The following EXOC4 variants were observed in gnomAD, a reference collection of about 807,000 sequenced individuals.
EXOC4 encodes the protein exocyst complex component 4.
In EXOC4, 71 loss-of-function variants were observed where a neutral mutation model predicts 107.2. The observed-to-expected ratio is 0.66, with a 90% CI of 0.55 to 0.81. EXOC4 has a LOEUF of 0.81. Ranked by LOEUF, EXOC4 falls within the 30% of genes least tolerant of loss-of-function variation. The probability of loss-of-function intolerance (pLI) is 0.00; values close to 1 mark genes in which losing one functional copy is unlikely to be tolerated. For synonymous variants in EXOC4, 456 were observed against 441.2 expected, an observed-to-expected ratio of 1.03 and a Z score of -0.42; for missense variants, 1,108 against 1,189.6, an observed-to-expected ratio of 0.93 and a Z score of 1.01.
chr7:134,031,233 G>C (rs375057094), intron 17 of EXOC4, among the ~76,000 whole-genome samples: 4 of 152,172 alleles, frequency 2.6e-5, no homozygotes, highest in South Asian at 4.1e-4. Flanking sequence ...AAAAGCCATT[G>C]AATTTTACAC....
At chr7:134,067,636 TATACACACACACAC>T (rs1254191510), downstream of EXOC4, among the ~76,000 whole-genome samples, 4 of 129,102 alleles carry the variant, frequency 3.1e-5, no homozygotes, top group Non-Finnish European at 6.7e-5. Context: ...TATATATATA[TATACACACACACAC>T]ACACACACAC....
intron 5 of EXOC4, among the ~76,000 whole-genome samples, chr7:133,330,116 T>A (rs1329508519): frequency 6.6e-6 from 1 of 152,122 alleles, no homozygotes; most frequent in Non-Finnish European, 1.5e-5. Context: ...AGAGATGCCC[T>A]GCCCAGAGAG....
At chr7:133,907,810 A>AAGGAG (rs1284001694) in intron 12 of EXOC4, among the ~76,000 whole-genome samples, 7 of 151,950 alleles carry the variant, frequency 4.6e-5, no homozygotes, top group South Asian at 2.1e-4. Flanking sequence ...AGAAAGAGAG[A>AAGGAG]GAAGAAGGAG....
chr7:133,597,659 C>T (rs1010517445), intron 9 of EXOC4, among the ~76,000 whole-genome samples: 11 of 151,622 alleles, frequency 7.3e-5, no homozygotes, highest in Non-Finnish European at 1.3e-4. Flanking sequence ...AAATGGTGGC[C>T]GTTGCAGCTA....
At chr7:133,787,173 C>CTT (rs3076807) in intron 10 of EXOC4, among the ~76,000 whole-genome samples, 14,284 of 133,004 alleles carry the variant, frequency 0.11, 1,003 homozygotes, top group Middle Eastern at 0.15. Flanking sequence ...TTTTTCTTTT[C>CTT]TTTTTTTTTT....
chr7:133,491,956 G>A (rs1163644965), intron 9 of EXOC4, among the ~76,000 whole-genome samples: 1 of 152,188 alleles, frequency 6.6e-6, no homozygotes, highest in Non-Finnish European at 1.5e-5. Flanking sequence ...AGCATAAAGT[G>A]TATGGGGAAG....
intron 10 of EXOC4, among the ~76,000 whole-genome samples, chr7:133,709,514 T>A (rs1794838949): frequency 6.6e-6 from 1 of 152,216 alleles, no homozygotes; most frequent in Non-Finnish European, 1.5e-5. Context: ...TGGGGCATAA[T>A]CATATTTAAT....
intron 10 of EXOC4, among the ~76,000 whole-genome samples, chr7:133,785,530 C>G (rs1796550170): frequency 6.6e-6 from 1 of 152,160 alleles, no homozygotes; most frequent in Non-Finnish European, 1.5e-5. Flanking sequence ...CACATATTCC[C>G]TCCTTTTTCA....
At chr7:133,934,793 T>C (rs1410370503) in intron 13 of EXOC4, among the ~76,000 whole-genome samples, 1 of 151,984 alleles carries the variant, frequency 6.6e-6, no homozygotes, top group African/African-American at 2.4e-5. Flanking sequence ...TTAAGAAAAC[T>C]AAATATTTAC....
chr7:133,427,572 C>T (rs1412886253), intron 7 of EXOC4, among the ~76,000 whole-genome samples: 2 of 152,194 alleles, frequency 1.3e-5, no homozygotes, highest in African/African-American at 4.8e-5. Context: ...TTATCAGCTA[C>T]TCTGCACCCT....
chr7:133,594,493 C>CTTTGTTTTTT (rs1801618898), intron 9 of EXOC4, among the ~76,000 whole-genome samples: 1 of 90,356 alleles, frequency 1.1e-5, no homozygotes, highest in African/African-American at 4.5e-5. Context: ...AAGCTTGAGT[C>CTTTGTTTTTT]TTTTTTTTTT....
At chr7:133,466,008 G>A (rs1331202268) in intron 7 of EXOC4, among the ~76,000 whole-genome samples, 2 of 151,866 alleles carry the variant, frequency 1.3e-5, no homozygotes, top group East Asian at 1.9e-4. Context: ...TTGGTGGTGG[G>A]CGTCTGTAAT....
intron 12 of EXOC4, among the ~76,000 whole-genome samples, chr7:133,901,254 T>A (rs938648902): frequency 5.3e-5 from 8 of 152,220 alleles, no homozygotes; most frequent in African/African-American, 1.9e-4. Context: ...ATCTTAGCTA[T>A]TCCTGTAAGT....
At chr7:133,572,474 T>A (rs972562492) in intron 9 of EXOC4, among the ~76,000 whole-genome samples, 13 of 152,102 alleles carry the variant, frequency 8.5e-5, no homozygotes, top group South Asian at 2.1e-4. Flanking sequence ...AAATCAAGAA[T>A]AATAAATATC....
chr7:133,971,361 T>TAGAGAG (rs1186165891), intron 14 of EXOC4, among the ~76,000 whole-genome samples: 44 of 75,068 alleles, frequency 5.9e-4, no homozygotes, highest in African/African-American at 2.1e-3. Flanking sequence ...TATATATATA[T>TAGAGAG]AGAGAGAGAG....
At chr7:133,422,849 T>C (rs1166555991) in intron 7 of EXOC4, among the ~76,000 whole-genome samples, 1 of 152,214 alleles carries the variant, frequency 6.6e-6, no homozygotes, top group Non-Finnish European at 1.5e-5. Flanking sequence ...ACAGAAATTA[T>C]GGGAAATGCT....
chr7:133,777,295 G>A (rs200206543), intron 10 of EXOC4, among the ~76,000 whole-genome samples: 3 of 4,840 alleles, frequency 6.2e-4, no homozygotes, highest in East Asian at 0.5. Flanking sequence ...GAGAGAGAGA[G>A]AGAGAGAGAG....
intron 10 of EXOC4, among the ~76,000 whole-genome samples, chr7:133,760,547 C>T (rs1350029453): frequency 2.0e-5 from 3 of 152,040 alleles, no homozygotes; most frequent in Non-Finnish European, 2.9e-5. Flanking sequence ...CTGATATGAC[C>T]GCACACGTGA....
chr7:133,396,544 A>G (rs1796974685), intron 7 of EXOC4: 1 of 152,222 alleles, frequency 6.6e-6, no homozygotes, highest in African/African-American at 2.4e-5. Context: ...ACAACTAAGT[A>G]TGTCATCAAT....
Sources: gnomAD v4.1 joint callset for allele counts (sites outside exome capture counted in the v4.1 genomes callset) on GRCh38, gnomAD v4.1.1 for gene constraint, MANE v1.5 for transcripts, NCBI Gene and HGNC (gene_info 2026-07-23, HGNC 2026-07-21) for gene names.